Variants in NRG1 observed in about 807,000 individuals in gnomAD.
NRG1 encodes the protein neuregulin 1, also known as pro-neuregulin-1, membrane-bound isoform.
In NRG1, 18 loss-of-function variants were observed where a neutral mutation model predicts 63.8. The ratio of observed to expected loss-of-function variants is 0.28; its 90% CI spans 0.19 to 0.42. The LOEUF is 0.42. Ranked by LOEUF, NRG1 falls within the 10% of genes least tolerant of loss-of-function variation. The pLI is 1.00. For synonymous variants in NRG1, 302 were observed against 301.3 expected, an observed-to-expected ratio of 1.00 and a Z score of -0.02; for missense variants, 762 against 814.7, an observed-to-expected ratio of 0.94 and a Z score of 0.79.
At chr8:31,886,761 T>A (rs1830747643) in intron 1 of NRG1, among the ~76,000 whole-genome samples, 1 of 152,102 alleles carries the variant, frequency 6.6e-6, no homozygotes, top group Admixed American at 6.6e-5. Context: ...ATGCATGCTC[T>A]AGATCATGCA....
At chr8:31,766,468 G>C (rs1445379178) in intron 1 of NRG1, among the ~76,000 whole-genome samples, 2 of 152,138 alleles carry the variant, frequency 1.3e-5, no homozygotes, top group Non-Finnish European at 2.9e-5. Flanking sequence ...ATGGGAAGCT[G>C]GAACTTACTC....
chr8:32,439,761 C>T (rs899798267), intron 1 of NRG1, among the ~76,000 whole-genome samples: 1 of 137,914 alleles, frequency 7.3e-6, no homozygotes, highest in African/African-American at 2.7e-5. Flanking sequence ...ACTAAAAAAT[C>T]GAATAAGTGA....
At chr8:32,344,136 C>T (rs1258840029) in intron 1 of NRG1, among the ~76,000 whole-genome samples, 2 of 152,206 alleles carry the variant, frequency 1.3e-5, no homozygotes, top group Non-Finnish European at 2.9e-5. Context: ...TATGTCAGAG[C>T]TCCTCTTCGG....
chr8:31,745,972 A>G (rs1815812743), intron 1 of NRG1, among the ~76,000 whole-genome samples: 1 of 151,970 alleles, frequency 6.6e-6, no homozygotes, highest in Non-Finnish European at 1.5e-5. Flanking sequence ...AGGACCACAG[A>G]AGAATAATTT....
chr8:31,891,959 TGAA>T (rs940897556), intron 1 of NRG1, among the ~76,000 whole-genome samples: 2 of 152,038 alleles, frequency 1.3e-5, no homozygotes, highest in Non-Finnish European at 2.9e-5. Context: ...TAAAATTAAA[TGAA>T]GAACAGATTA....
chr8:32,451,643 T>C (rs1820957827), intron 1 of NRG1, among the ~76,000 whole-genome samples: 1 of 152,244 alleles, frequency 6.6e-6, no homozygotes, highest in Admixed American at 6.5e-5. Flanking sequence ...TTTGAGTTGC[T>C]GATAGCAACT....
chr8:32,646,824 G>T, intron 5 of NRG1: 1 of 985,214 alleles, frequency 1.0e-6, no homozygotes, highest in Non-Finnish European at 1.2e-6. Flanking sequence ...GTCCTGTGTG[G>T]CTGGGGATAC....
intron 1 of NRG1, among the ~76,000 whole-genome samples, chr8:32,000,388 C>T (rs1233165659): frequency 6.6e-6 from 1 of 151,480 alleles, no homozygotes; most frequent in Admixed American, 6.6e-5. Context: ...TTTTAAAAGA[C>T]CGTGTCTTAC....
chr8:32,378,074 G>A (rs1217533743), intron 1 of NRG1, among the ~76,000 whole-genome samples: 2 of 152,148 alleles, frequency 1.3e-5, no homozygotes, highest in African/African-American at 4.8e-5. Context: ...GAGGAGGGCC[G>A]CTTGTGGCTT....
chr8:31,785,868 G>A (rs1288397878), intron 1 of NRG1, among the ~76,000 whole-genome samples: 2 of 152,140 alleles, frequency 1.3e-5, no homozygotes, highest in South Asian at 4.1e-4. Flanking sequence ...CGTTGCACAA[G>A]TTTCCTGCTT....
intron 1 of NRG1, among the ~76,000 whole-genome samples, chr8:31,718,273 TC>T (rs1489788275): frequency 3.9e-5 from 6 of 152,068 alleles, no homozygotes; most frequent in Non-Finnish European, 8.8e-5. Context: ...GAATTCTACA[TC>T]CCCTGTCTTT....
At chr8:32,648,246 C>T (rs1854112044) in intron 5 of NRG1, 1 of 1,614,066 alleles carries the variant, frequency 6.2e-7, no homozygotes, top group Non-Finnish European at 8.5e-7. Flanking sequence ...ACCGAAGAAT[C>T]GTATTTTTGC....
chr8:31,641,306 G>A (rs1478578726), intron 1 of NRG1, among the ~76,000 whole-genome samples: 1 of 151,556 alleles, frequency 6.6e-6, no homozygotes, highest in Non-Finnish European at 1.5e-5. Flanking sequence ...TGTAATATGT[G>A]AGAATTATAA....
chr8:32,346,473 C>T (rs1804911352), intron 1 of NRG1, among the ~76,000 whole-genome samples: 1 of 151,544 alleles, frequency 6.6e-6, no homozygotes, highest in Non-Finnish European at 1.5e-5. Flanking sequence ...ATATCAACAG[C>T]TACATCTAGA....
At chr8:32,621,285 G>A (rs1459780862) in intron 5 of NRG1, among the ~76,000 whole-genome samples, 1 of 151,844 alleles carries the variant, frequency 6.6e-6, no homozygotes, top group Non-Finnish European at 1.5e-5. Context: ...TTGTAAATGA[G>A]GCATCTGTGA....
chr8:32,242,755 G>A (rs1848232484), intron 1 of NRG1, among the ~76,000 whole-genome samples: 1 of 152,064 alleles, frequency 6.6e-6, no homozygotes, highest in African/African-American at 2.4e-5. Context: ...AGGCTCTTAC[G>A]TTTTTATATT....
chr8:32,170,885 C>T (rs987506443), intron 1 of NRG1, among the ~76,000 whole-genome samples: 1 of 152,190 alleles, frequency 6.6e-6, no homozygotes, highest in Admixed American at 6.5e-5. Context: ...GCTACTTTTA[C>T]ACCAACCTGA....
intron 1 of NRG1, among the ~76,000 whole-genome samples, chr8:32,059,615 C>T (rs1823524139): frequency 6.6e-6 from 1 of 151,916 alleles, no homozygotes; most frequent in East Asian, 1.9e-4. Flanking sequence ...AAGCTCTGCT[C>T]CATTGTTGTT....
intron 1 of NRG1, among the ~76,000 whole-genome samples, chr8:31,950,018 T>C (rs919375735): frequency 6.6e-6 from 1 of 152,226 alleles, no homozygotes; most frequent in Non-Finnish European, 1.5e-5. Flanking sequence ...TTTCCCACTT[T>C]TTCCTTCTAT....
Sources: gnomAD v4.1 joint callset for allele counts (sites outside exome capture counted in the v4.1 genomes callset) on GRCh38, gnomAD v4.1.1 for gene constraint, MANE v1.5 for transcripts, NCBI Gene and HGNC (gene_info 2026-07-23, HGNC 2026-07-21) for gene names.